Variants in NAALADL2 observed in about 807,000 individuals in gnomAD.
The protein encoded by NAALADL2 is inactive N-acetylated-alpha-linked acidic dipeptidase-like protein 2.
A neutral mutation model predicts 87.2 loss-of-function variants in NAALADL2; 76 were observed. The ratio of observed to expected loss-of-function variants is 0.87; its 90% CI spans 0.72 to 1.05. The LOEUF (loss-of-function observed/expected upper bound fraction) is 1.05, where lower values mean the gene tolerates loss of function less well. Among genes scored for constraint, NAALADL2 ranks in the 50% least tolerant of loss-of-function variants. NAALADL2 has a pLI of 0.00. For missense variants in NAALADL2, 1,089 were observed against 945.8 expected (o/e 1.15, Z -1.99); for synonymous variants, 354 against 331.0 (o/e 1.07, Z -0.75).
At chr3:175,792,818 C>T (rs1576847830) in intron 13 of NAALADL2, among the ~76,000 whole-genome samples, 1 of 152,246 alleles carries the variant, frequency 6.6e-6, no homozygotes, top group East Asian at 1.9e-4. Context: ...AGTCTCTCAG[C>T]TCTGCCTTCC....
At chr3:174,999,989 T>A (rs1313512542) in intron 1 of NAALADL2, among the ~76,000 whole-genome samples, 1 of 152,144 alleles carries the variant, frequency 6.6e-6, no homozygotes, top group Admixed American at 6.6e-5. Context: ...TAATAGTAAA[T>A]TAGCTTTTAA....
At chr3:174,641,015 G>C (rs567433536) in intron 2 of NAALADL2, among the ~76,000 whole-genome samples, 1 of 152,316 alleles carries the variant, frequency 6.6e-6, no homozygotes, top group Admixed American at 6.5e-5. Flanking sequence ...GGCGAGGATG[G>C]GCGCCCCAAA....
intron 3 of NAALADL2, among the ~76,000 whole-genome samples, chr3:174,784,230 C>G (rs1041877067): frequency 8.6e-5 from 13 of 152,020 alleles, no homozygotes; most frequent in African/African-American, 3.1e-4. Flanking sequence ...AGTTATCTGC[C>G]TTGAATCCAG....
At chr3:174,811,155 C>G (rs1250896354) in intron 3 of NAALADL2, among the ~76,000 whole-genome samples, 1 of 152,154 alleles carries the variant, frequency 6.6e-6, no homozygotes, top group Admixed American at 6.5e-5. Flanking sequence ...TATGGAGACC[C>G]TCTACTAGGC....
At chr3:175,242,360 T>C (rs1044939208) in intron 3 of NAALADL2, 1 of 152,214 alleles carries the variant, frequency 6.6e-6, no homozygotes, top group Non-Finnish European at 1.5e-5. Context: ...ATTTAAGTAT[T>C]TTGTTTACAA....
At chr3:175,295,439 C>T (rs534441778) in intron 4 of NAALADL2, among the ~76,000 whole-genome samples, 2 of 152,150 alleles carry the variant, frequency 1.3e-5, no homozygotes, top group South Asian at 4.2e-4. Context: ...AGCAATATAC[C>T]TCCTTACACA....
intron 2 of NAALADL2, among the ~76,000 whole-genome samples, chr3:174,668,908 G>A (rs1404369951): frequency 1.3e-5 from 2 of 152,198 alleles, no homozygotes; most frequent in African/African-American, 2.4e-5. Flanking sequence ...ATAGCAGCAT[G>A]ATTTATATTC....
At chr3:175,338,626 CACACA>C (rs1762261067) in intron 5 of NAALADL2, among the ~76,000 whole-genome samples, 1 of 32,930 alleles carries the variant, frequency 3.0e-5, no homozygotes, top group Non-Finnish European at 6.1e-5. Flanking sequence ...ACCACAAACA[CACACA>C]CACACACACA....
At chr3:175,011,230 G>T (rs1325743515) in intron 1 of NAALADL2, among the ~76,000 whole-genome samples, 1 of 150,960 alleles carries the variant, frequency 6.6e-6, no homozygotes, top group African/African-American at 2.4e-5. Context: ...TACAGATTCA[G>T]CCACAGAGAG....
chr3:174,931,678 G>A (rs1228244242), intron 1 of NAALADL2, among the ~76,000 whole-genome samples: 3 of 152,096 alleles, frequency 2.0e-5, no homozygotes, highest in Non-Finnish European at 4.4e-5. Context: ...AGTTTGCTGG[G>A]TTGTAAGAAC....
intron 13 of NAALADL2, among the ~76,000 whole-genome samples, chr3:175,781,702 CTTTTA>C (rs747634389): frequency 3.3e-5 from 5 of 149,912 alleles, no homozygotes; most frequent in African/African-American, 4.9e-5. Flanking sequence ...TAACATAACG[CTTTTA>C]TTTTTTTTAT....
chr3:175,153,266 TC>T (rs1396635908), intron 2 of NAALADL2, among the ~76,000 whole-genome samples: 1 of 152,122 alleles, frequency 6.6e-6, no homozygotes, highest in Non-Finnish European at 1.5e-5. Flanking sequence ...CTCCTCCCAG[TC>T]TCCAGCTGCT....
chr3:174,685,981 C>T (rs1170070331), intron 2 of NAALADL2, among the ~76,000 whole-genome samples: 1 of 152,026 alleles, frequency 6.6e-6, no homozygotes, highest in Non-Finnish European at 1.5e-5. Context: ...ATCCATTTTC[C>T]TGTAAAGGAT....
chr3:175,396,544 T>C (rs1769812866), intron 5 of NAALADL2, among the ~76,000 whole-genome samples: 1 of 152,116 alleles, frequency 6.6e-6, no homozygotes, highest in African/African-American at 2.4e-5. Context: ...ATGGATTTTT[T>C]TTTTCCTTGC....
intron 9 of NAALADL2, among the ~76,000 whole-genome samples, chr3:175,542,467 G>A (rs191272383): frequency 1.3e-5 from 2 of 152,278 alleles, no homozygotes; most frequent in Admixed American, 6.5e-5. Flanking sequence ...TGGAACCCAC[G>A]TGTAGGAAAA....
chr3:174,924,914 G>T (rs563329854), intron 1 of NAALADL2, among the ~76,000 whole-genome samples: 1 of 152,254 alleles, frequency 6.6e-6, no homozygotes, highest in South Asian at 2.1e-4. Context: ...TTTTGATGGG[G>T]TTGTTTGTTT....
rs187193108 is a variant in NAALADL2 at position 174,505,533 on chromosome 3, A to C, written c.-183-45036A>C. ...TTTTCTTAAGACCTAGCTGAGAAAT[A>C]ATTTTAAATGAAATGAAACTTAAAG... On this transcript the variant is annotated intron_variant, in intron 1 of 3. Coordinates refer to the NAALADL2 transcript ENST00000434257. Among the ~76,000 whole-genome samples the C allele has an allele frequency of 3.3e-5, 5 of 151,268 alleles. No homozygotes were observed. In the East Asian group the frequency reaches 9.8e-4, roughly 30 times the overall value.
intron 11 of NAALADL2, among the ~76,000 whole-genome samples, chr3:175,706,772 C>A (rs1382046682): frequency 6.6e-6 from 1 of 152,090 alleles, no homozygotes; most frequent in Non-Finnish European, 1.5e-5. Context: ...AGAGACTGCT[C>A]ACCATCAAGA....
At chr3:174,604,743 T>G (rs536199692) in intron 2 of NAALADL2, among the ~76,000 whole-genome samples, 2 of 152,042 alleles carry the variant, frequency 1.3e-5, no homozygotes, top group African/African-American at 4.8e-5. Context: ...CTCCACTGTA[T>G]GTTTTGTTCT....
Sources: allele counts gnomAD v4.1 joint callset (sites outside exome capture counted in the v4.1 genomes callset), GRCh38; gene constraint gnomAD v4.1.1; transcripts MANE v1.5; gene names NCBI Gene and HGNC (gene_info 2026-07-23, HGNC 2026-07-21).